CADM2: variants seen among roughly 807,000 people sequenced by gnomAD.
CADM2 encodes the protein cell adhesion molecule 2.
In CADM2, 12 loss-of-function variants were observed where a neutral mutation model predicts 49.8. The ratio of observed to expected loss-of-function variants is 0.24; its 90% confidence interval spans 0.15 to 0.39. The LOEUF is 0.39. CADM2 is among the 10% of genes least tolerant of loss of function. The probability of loss-of-function intolerance (pLI) is 1.00; values close to 1 mark genes in which losing one functional copy is unlikely to be tolerated. For missense variants in CADM2, 378 were observed against 492.3 expected (o/e 0.77, Z 2.20); for synonymous variants, 214 against 175.4 (o/e 1.22, Z -1.74).
chr3:85,153,834 C>T, intron 1 of CADM2, among the ~76,000 whole-genome samples: 1 of 152,194 alleles, frequency 6.6e-6, no homozygotes, highest in African/African-American at 2.4e-5. Context: ...GGCAGACTGA[C>T]ACCTCACATG....
At chr3:85,819,331 G>T (rs1209467661) in intron 3 of CADM2, among the ~76,000 whole-genome samples, 1 of 151,996 alleles carries the variant, frequency 6.6e-6, no homozygotes, top group East Asian at 1.9e-4. Flanking sequence ...ATCTCCTCTG[G>T]CAACACCCTC....
chr3:86,001,743 G>C lies in CADM2; in HGVS notation c.970+40096G>C, dbSNP rs577682536. The stretch of plus-strand genomic sequence containing the variant: ...AACTAGGTGATCCAGAAAGTGGCCA[G>C]ATGAGTGGTTAGCCAAATTGCTGTG... On this transcript the variant is annotated intron_variant, in intron 8 of 9. Transcript: ENST00000383699. Among the ~76,000 whole-genome samples, 5 of 152,278 alleles carry C rather than the reference G, an allele frequency of 3.3e-5. No homozygotes were observed. In the South Asian group the frequency reaches 1.0e-3, roughly 32 times the overall value.
intron 1 of CADM2, among the ~76,000 whole-genome samples, chr3:85,254,836 AT>A (rs2042849637): frequency 6.6e-6 from 1 of 152,014 alleles, no homozygotes; most frequent in Non-Finnish European, 1.5e-5. Flanking sequence ...AGCTGAGAAA[AT>A]AAATGCCCTG....
At chr3:85,120,678 G>A (rs1008908215) in intron 1 of CADM2, among the ~76,000 whole-genome samples, 1 of 152,018 alleles carries the variant, frequency 6.6e-6, no homozygotes, top group Non-Finnish European at 1.5e-5. Flanking sequence ...GGCCTCCTGG[G>A]GGGTAGGGGG....
At chr3:85,518,565 A>T (rs1019368257) in intron 1 of CADM2, among the ~76,000 whole-genome samples, 2 of 152,104 alleles carry the variant, frequency 1.3e-5, no homozygotes, top group African/African-American at 4.8e-5. Flanking sequence ...TGGAAGTCTG[A>T]AATTAGTTTC....
At chr3:85,899,619 A>T (rs895059227) in intron 5 of CADM2, among the ~76,000 whole-genome samples, 14 of 152,020 alleles carry the variant, frequency 9.2e-5, no homozygotes, top group African/African-American at 3.1e-4. Flanking sequence ...ATTCTAGTCA[A>T]GTTATTTAGA....
chr3:85,774,962 A>G (rs1157872577), intron 2 of CADM2, among the ~76,000 whole-genome samples: 2 of 151,736 alleles, frequency 1.3e-5, no homozygotes, highest in Non-Finnish European at 3.0e-5. Context: ...ATACACATAC[A>G]TGCACACACA....
chr3:85,276,811 G>A (rs1280187479), intron 1 of CADM2, among the ~76,000 whole-genome samples: 1 of 151,236 alleles, frequency 6.6e-6, no homozygotes, highest in Non-Finnish European at 1.5e-5. Context: ...TATGCCCAGG[G>A]ATATTGGACA....
At chr3:85,494,652 A>G (rs1031852600) in intron 1 of CADM2, among the ~76,000 whole-genome samples, 6 of 152,214 alleles carry the variant, frequency 3.9e-5, no homozygotes, top group African/African-American at 1.4e-4. Flanking sequence ...AAATGAGGTG[A>G]CACATTAAGC....
chr3:85,064,736 G>C (rs1277606589), intron 1 of CADM2, among the ~76,000 whole-genome samples: 1 of 152,078 alleles, frequency 6.6e-6, no homozygotes, highest in African/African-American at 2.4e-5. Context: ...GCTCAGGCTA[G>C]ATCATATTGA....
At chr3:85,738,157 C>T (rs939232602) in intron 2 of CADM2, among the ~76,000 whole-genome samples, 1 of 105,838 alleles carries the variant, frequency 9.4e-6, no homozygotes, top group Non-Finnish European at 1.8e-5. Flanking sequence ...ATCCCAGTAA[C>T]GTATATTCAC....
chr3:85,569,098 G>A (rs2062401692), intron 1 of CADM2, among the ~76,000 whole-genome samples: 1 of 152,020 alleles, frequency 6.6e-6, no homozygotes, highest in Non-Finnish European at 1.5e-5. Context: ...ATCACCACGA[G>A]GATCCCTAGT....
chr3:85,836,688 A>G (rs991636707), intron 3 of CADM2, among the ~76,000 whole-genome samples: 3 of 151,640 alleles, frequency 2.0e-5, no homozygotes, highest in Non-Finnish European at 4.4e-5. Flanking sequence ...TGCACTGAAG[A>G]AGATATCCAG....
intron 2 of CADM2, among the ~76,000 whole-genome samples, chr3:85,760,357 A>C (rs543202798): frequency 1.2e-4 from 18 of 151,848 alleles, no homozygotes; most frequent in African/African-American, 4.3e-4. Context: ...TTTTCGTTTA[A>C]GAAAATCATT....
At chr3:85,571,239 T>C (rs1242347906) in intron 1 of CADM2, among the ~76,000 whole-genome samples, 1 of 152,216 alleles carries the variant, frequency 6.6e-6, no homozygotes, top group Non-Finnish European at 1.5e-5. Flanking sequence ...ATTAATAAAT[T>C]ATCCATATGA....
chr3:85,314,610 C>T (rs191711008), intron 1 of CADM2, among the ~76,000 whole-genome samples: 5 of 152,176 alleles, frequency 3.3e-5, no homozygotes, highest in Non-Finnish European at 2.9e-5. Flanking sequence ...TAAGTTATAT[C>T]TATATTTTAT....
intron 1 of CADM2, among the ~76,000 whole-genome samples, chr3:85,064,244 G>A (rs1023381276): frequency 2.0e-5 from 3 of 151,986 alleles, no homozygotes; most frequent in Non-Finnish European, 4.4e-5. Flanking sequence ...AGAGTACTTT[G>A]TTTCCTACCA....
chr3:85,865,114 T>C (rs1198103148), intron 3 of CADM2, among the ~76,000 whole-genome samples: 1 of 152,220 alleles, frequency 6.6e-6, no homozygotes, highest in African/African-American at 2.4e-5. Flanking sequence ...GCTACAGGCC[T>C]GCAAGCTGTT....
chr3:85,722,184 A>T (rs960348284), intron 1 of CADM2, among the ~76,000 whole-genome samples: 4 of 152,086 alleles, frequency 2.6e-5, no homozygotes, highest in African/African-American at 9.7e-5. Context: ...AGCAGAGAGG[A>T]GACCCTGGAG....
Sources: gnomAD v4.1 joint callset for allele counts (sites outside exome capture counted in the v4.1 genomes callset) on GRCh38, gnomAD v4.1.1 for gene constraint, MANE v1.5 for transcripts, NCBI Gene and HGNC (gene_info 2026-07-23, HGNC 2026-07-21) for gene names.